RIMS1: variants seen among roughly 807,000 people sequenced by gnomAD.
RIMS1 encodes regulating synaptic membrane exocytosis 1.
Under a neutral mutation model 214.1 loss-of-function variants are expected in RIMS1, and 83 were observed. That is an observed-to-expected ratio of 0.39 (90% confidence interval 0.32 to 0.47). The LOEUF is 0.47. Ranked by LOEUF, RIMS1 falls within the 20% of genes least tolerant of loss-of-function variation. The probability of loss-of-function intolerance (pLI) is 0.99; values close to 1 mark genes in which losing one functional copy is unlikely to be tolerated. For missense variants in RIMS1, 2,050 were observed against 2,161.8 expected (o/e 0.95, Z 1.03); for synonymous variants, 793 against 786.8 (o/e 1.01, Z -0.13).
At chr6:72,104,718 A>G (rs1218571092) in intron 4 of RIMS1, among the ~76,000 whole-genome samples, 1 of 152,180 alleles carries the variant, frequency 6.6e-6, no homozygotes, top group Non-Finnish European at 1.5e-5. Context: ...AAAATTTAGT[A>G]GAGTTTCTCT....
intron 29 of RIMS1, among the ~76,000 whole-genome samples, chr6:72,376,828 T>C (rs2098396698): frequency 6.6e-6 from 1 of 151,672 alleles, no homozygotes; most frequent in Non-Finnish European, 1.5e-5. Context: ...TTATCACAGG[T>C]TTTTCAGAGT....
intron 29 of RIMS1, among the ~76,000 whole-genome samples, chr6:72,348,221 G>A (rs571608348): frequency 5.3e-4 from 81 of 151,984 alleles, no homozygotes; most frequent in Middle Eastern, 3.4e-3. Flanking sequence ...AAACAATGCA[G>A]TTTGAGCTTC....
chr6:72,365,771 G>A (rs933144246), intron 29 of RIMS1: 1 of 152,192 alleles, frequency 6.6e-6, no homozygotes, highest in African/African-American at 2.4e-5. Flanking sequence ...ATTCCTTAGT[G>A]CCATTATGGA....
intron 16 of RIMS1, among the ~76,000 whole-genome samples, chr6:72,254,898 A>G (rs2075136496): frequency 6.6e-6 from 1 of 152,216 alleles, no homozygotes; most frequent in Non-Finnish European, 1.5e-5. Context: ...CATACAAAGC[A>G]ATATTTTTCA....
At position 72,261,611 on chromosome 6, in the gene RIMS1, G is replaced by A. The variant is rs953885750; in HGVS notation, c.3116+844G>A. On this transcript the variant is annotated intron_variant, in intron 19 of 33. Transcript: ENST00000521978. ...TGAAACAAACTAACACAAAATAATC[G>A]AACTCAAATATTTTAGCCAATAAAA... 21 of 984,362 alleles carry A rather than the reference G, an allele frequency of 2.1e-5. No homozygotes were observed. The African/African-American group carries it at 2.3e-4, about 11-fold the overall frequency. The allele number at this position is 984,362 out of a possible 1,614,324, so 61.0% of individuals were successfully genotyped here. A position where few individuals can be genotyped will look rare whatever the true frequency, so the allele number is the denominator to read the frequency against.
chr6:72,397,138 AC>A (rs1433739737), intron 31 of RIMS1, among the ~76,000 whole-genome samples: 1 of 152,196 alleles, frequency 6.6e-6, no homozygotes, highest in African/African-American at 2.4e-5. Context: ...CCTGAGTAGA[AC>A]TATAACTACC....
chr6:71,916,418 G>A (rs1267177040), intron 1 of RIMS1, among the ~76,000 whole-genome samples: 12 of 152,080 alleles, frequency 7.9e-5, no homozygotes, highest in Non-Finnish European at 1.5e-4. Context: ...ATTGTCCTAC[G>A]AAGCGGTAAT....
At chr6:71,916,117 A>G (rs530746337) in intron 1 of RIMS1, among the ~76,000 whole-genome samples, 1 of 152,228 alleles carries the variant, frequency 6.6e-6, no homozygotes, top group East Asian at 1.9e-4. Flanking sequence ...AAATTCTTTG[A>G]TAAATAAAAT....
intron 1 of RIMS1, among the ~76,000 whole-genome samples, chr6:71,893,567 T>C (rs1428111157): frequency 6.6e-6 from 1 of 152,192 alleles, no homozygotes; most frequent in Non-Finnish European, 1.5e-5. Context: ...TCATGTATAT[T>C]TGTCAGGTAG....
chr6:72,178,756 C>T (rs961618192), intron 4 of RIMS1, among the ~76,000 whole-genome samples: 4 of 152,126 alleles, frequency 2.6e-5, no homozygotes, highest in Non-Finnish European at 4.4e-5. Flanking sequence ...TTATGATAAT[C>T]GTCCTCATTA....
At chr6:72,096,904 C>T (rs1562301814) in intron 2 of RIMS1, 45 bp from the exon 3 acceptor site, 4 of 1,484,374 alleles carry the variant, frequency 2.7e-6, no homozygotes, top group Non-Finnish European at 3.7e-6. Flanking sequence ...TTGGTTTTGT[C>T]TTCCACTATT....
intron 29 of RIMS1, among the ~76,000 whole-genome samples, chr6:72,339,205 A>T (rs549334531): frequency 3.9e-4 from 59 of 151,888 alleles, no homozygotes; most frequent in African/African-American, 1.4e-3. Context: ...AACACAAATA[A>T]ATCAGGATAA....
chr6:72,373,456 T>C (rs939577018), intron 29 of RIMS1, among the ~76,000 whole-genome samples: 1 of 152,198 alleles, frequency 6.6e-6, no homozygotes, highest in Admixed American at 6.5e-5. Context: ...CATTTTTGTG[T>C]GTGATTAACA....
chr6:71,979,193 G>T (rs1797877462), intron 2 of RIMS1, among the ~76,000 whole-genome samples: 1 of 152,076 alleles, frequency 6.6e-6, no homozygotes, highest in Non-Finnish European at 1.5e-5. Flanking sequence ...AACTTAAGTA[G>T]TTCTACTATG....
At chr6:72,247,867 C>A in intron 11 of RIMS1, 148 bp from the exon 12 acceptor site, 1 of 603,814 alleles carries the variant, frequency 1.7e-6, no homozygotes, top group Non-Finnish European at 3.0e-6. Context: ...TTTAAATAGA[C>A]AACTAAAGAC....
intron 4 of RIMS1, among the ~76,000 whole-genome samples, chr6:72,152,784 A>G (rs993234204): frequency 3.2e-4 from 38 of 117,084 alleles, no homozygotes; most frequent in African/African-American, 1.3e-3. Context: ...ATATATGTAT[A>G]TATATGGAAT....
chr6:72,004,390 T>A (rs1195305728), intron 2 of RIMS1, among the ~76,000 whole-genome samples: 11 of 152,110 alleles, frequency 7.2e-5, no homozygotes. Flanking sequence ...TACCCAGTAA[T>A]GGGATGGCTG....
intron 4 of RIMS1, among the ~76,000 whole-genome samples, chr6:72,123,063 T>C (rs1226788344): frequency 6.6e-6 from 1 of 151,902 alleles, no homozygotes; most frequent in African/African-American, 2.4e-5. Context: ...AATGTGATGT[T>C]AGGGTGTCAA....
At chr6:72,207,765 AC>A (rs1263762876) in intron 6 of RIMS1, among the ~76,000 whole-genome samples, 1 of 152,100 alleles carries the variant, frequency 6.6e-6, no homozygotes, top group Non-Finnish European at 1.5e-5. Flanking sequence ...AAACAAACAA[AC>A]AAACAAACAA....
Sources: allele counts gnomAD v4.1 joint callset (sites outside exome capture counted in the v4.1 genomes callset), GRCh38; gene constraint gnomAD v4.1.1; transcripts MANE v1.5; gene names NCBI Gene and HGNC (gene_info 2026-07-23, HGNC 2026-07-21).